The following PIK3C2G variants were observed in gnomAD, a reference collection of about 807,000 sequenced individuals.
The protein encoded by PIK3C2G is phosphatidylinositol-4-phosphate 3-kinase catalytic subunit type 2 gamma.
Under a neutral mutation model 181.1 loss-of-function variants are expected in PIK3C2G, and 168 were observed. The ratio of observed to expected loss-of-function variants is 0.93; its 90% CI spans 0.82 to 1.05. The LOEUF (loss-of-function observed/expected upper bound fraction) is 1.05, where lower values mean the gene tolerates loss of function less well. Ranked by LOEUF, PIK3C2G falls within the 50% of genes least tolerant of loss-of-function variation. The pLI is 0.00. For missense variants in PIK3C2G, 1,869 were observed against 1,732.8 expected (o/e 1.08, Z -1.40); for synonymous variants, 573 against 592.2 (o/e 0.97, Z 0.47).
chr12:18,631,374 GA>G (rs773225884), intron 31 of PIK3C2G, among the ~76,000 whole-genome samples: 90 of 152,210 alleles, frequency 5.9e-4, no homozygotes, highest in Non-Finnish European at 1.0e-3. Context: ...AATATTCAAG[GA>G]CCTCGTCAAA....
the PIK3C2G span, among the ~76,000 whole-genome samples, chr12:18,714,460 A>G: frequency 6.6e-6 from 1 of 152,192 alleles, no homozygotes; most frequent in African/African-American, 2.4e-5. Flanking sequence ...GGAACTGTAG[A>G]GATGTAAGAA....
intron 2 of PIK3C2G, among the ~76,000 whole-genome samples, chr12:18,284,763 CA>C (rs1314975455): frequency 6.6e-6 from 1 of 151,858 alleles, no homozygotes; most frequent in African/African-American, 2.4e-5. Context: ...TGCTTAACAA[CA>C]GATAGGAAAG....
intron 29 of PIK3C2G, among the ~76,000 whole-genome samples, chr12:18,594,158 A>G (rs1279746292): frequency 6.6e-6 from 1 of 151,886 alleles, no homozygotes; most frequent in East Asian, 2.0e-4. Flanking sequence ...ATCCAAGGAT[A>G]CACCTTGTTT....
At chr12:18,701,675 C>G in the PIK3C2G span, 7 of 1,610,708 alleles carry the variant, frequency 4.3e-6, no homozygotes, top group Non-Finnish European at 5.9e-6. Context: ...CTTCTTCTTC[C>G]CATTCCTCCA....
intron 18 of PIK3C2G, among the ~76,000 whole-genome samples, chr12:18,427,604 C>G (rs1490491499): frequency 6.6e-6 from 1 of 151,556 alleles, no homozygotes; most frequent in South Asian, 2.1e-4. Context: ...TGGACCACCT[C>G]AGTAAGTTCT....
downstream of PIK3C2G, among the ~76,000 whole-genome samples, chr12:18,652,335 AT>A (rs1488489928): frequency 2.0e-5 from 3 of 152,138 alleles, no homozygotes; most frequent in Non-Finnish European, 4.4e-5. Flanking sequence ...AAAATGTCAT[AT>A]AAACATGAAG....
chr12:18,307,824 A>G (rs1197174423), intron 5 of PIK3C2G, among the ~76,000 whole-genome samples: 1 of 151,824 alleles, frequency 6.6e-6, no homozygotes, highest in Admixed American at 6.6e-5. Flanking sequence ...CACGTAGGCC[A>G]CAGAAGAGTT....
At chr12:18,657,946 A>T in the PIK3C2G span, among the ~76,000 whole-genome samples, 8 of 152,162 alleles carry the variant, frequency 5.3e-5, no homozygotes, top group African/African-American at 1.9e-4. Context: ...AAAGAACTGA[A>T]GAGAACCACT....
At chr12:18,436,060 G>A (rs1282942959) in intron 18 of PIK3C2G, among the ~76,000 whole-genome samples, 3 of 151,736 alleles carry the variant, frequency 2.0e-5, no homozygotes, top group Non-Finnish European at 4.4e-5. Context: ...CAGTAGTGTG[G>A]TTCCAAAGTT....
intron 26 of PIK3C2G, 106 bp from the exon 27 acceptor site, chr12:18,562,597 T>C: frequency 1.5e-6 from 1 of 669,878 alleles, no homozygotes; most frequent in Non-Finnish European, 2.6e-6. Flanking sequence ...TACATGGTTC[T>C]TGGCTTTTTC....
Position 18,391,143 on chromosome 12 carries a change from T to C in PIK3C2G, c.2017T>C (p.Trp673Arg). 1 of 1,606,694 alleles carries C rather than the reference T, an allele frequency of 6.2e-7. No homozygotes were observed. The highest frequency in any genetic ancestry group is 8.5e-7 in the Non-Finnish European group (1 of 1,176,236). Residue 673 changes from tryptophan to arginine, a missense_variant, in exon 15 of 33, where the codon TGG becomes CGG. Transcript: ENST00000538779. ...TLQIDFPATGWEYMKPDSEEN... is the reference protein window; with the variant it reads ...TLQIDFPATGREYMKPDSEEN... The stretch of plus-strand genomic sequence containing the variant: ...TCAGATTGATTTTCCAGCTACTGGG[T>C]GGGAGTATATGAAACCTGATTCTGA...
intron 29 of PIK3C2G, among the ~76,000 whole-genome samples, chr12:18,584,980 A>G (rs761020812): frequency 3.3e-5 from 5 of 152,196 alleles, no homozygotes; most frequent in Non-Finnish European, 7.3e-5. Flanking sequence ...ATCCTTTTCA[A>G]ATAAGCAAAT....
At chr12:18,578,335 T>G (rs1946333987) in intron 29 of PIK3C2G, among the ~76,000 whole-genome samples, 1 of 152,200 alleles carries the variant, frequency 6.6e-6, no homozygotes, top group South Asian at 2.1e-4. Flanking sequence ...CAAAGGAATT[T>G]TATGGGACTT....
At chr12:18,411,597 A>T (rs189434585) in intron 16 of PIK3C2G, among the ~76,000 whole-genome samples, 5 of 152,314 alleles carry the variant, frequency 3.3e-5, no homozygotes, top group Non-Finnish European at 7.3e-5. Context: ...TTTTCTTCCA[A>T]GCTGATGCTG....
downstream of PIK3C2G, among the ~76,000 whole-genome samples, chr12:18,650,331 C>CTATATATATATA (rs371220581): frequency 1.3e-4 from 12 of 91,976 alleles, no homozygotes; most frequent in African/African-American, 4.0e-4. Flanking sequence ...CTCTCTCTCT[C>CTATATATATATA]TATATATATA....
the PIK3C2G span, among the ~76,000 whole-genome samples, chr12:18,685,846 GCACA>G: frequency 0.017 from 1,818 of 109,272 alleles, 36 homozygotes; most frequent in African/African-American, 0.061. Context: ...ACACACACGC[GCACA>G]CACACACACA....
At chr12:18,506,748 A>C (rs897551236) in intron 24 of PIK3C2G, among the ~76,000 whole-genome samples, 8 of 152,194 alleles carry the variant, frequency 5.3e-5, no homozygotes, top group Non-Finnish European at 8.8e-5. Context: ...AAAGTCTTTA[A>C]AAATATATTT....
intron 29 of PIK3C2G, among the ~76,000 whole-genome samples, chr12:18,577,752 C>A (rs1033842278): frequency 6.6e-6 from 1 of 152,120 alleles, no homozygotes; most frequent in Non-Finnish European, 1.5e-5. Context: ...GTTGATTTTG[C>A]ATAATGAATA....
chr12:18,700,831 A>G, the PIK3C2G span, among the ~76,000 whole-genome samples: 1 of 152,092 alleles, frequency 6.6e-6, no homozygotes, highest in Admixed American at 6.6e-5. Flanking sequence ...CATCATGCTA[A>G]TGTATATACA....
Sources: gnomAD v4.1 joint callset for allele counts (sites outside exome capture counted in the v4.1 genomes callset) on GRCh38, gnomAD v4.1.1 for gene constraint, MANE v1.5 for transcripts, NCBI Gene and HGNC (gene_info 2026-07-23, HGNC 2026-07-21) for gene names.